CDC42SE2: variants seen among roughly 807,000 people sequenced by gnomAD.
CDC42SE2 encodes the protein CDC42 small effector protein 2.
A neutral mutation model predicts 11.5 loss-of-function variants in CDC42SE2; 3 were observed. That is an observed-to-expected ratio of 0.26 (90% CI 0.12 to 0.67). The LOEUF is 0.67. Ranked by LOEUF, CDC42SE2 falls within the 30% of genes least tolerant of loss-of-function variation. The pLI, the probability that CDC42SE2 is intolerant of heterozygous loss-of-function variation, is 0.80. For missense variants in CDC42SE2, 82 were observed against 106.8 expected (o/e 0.77, Z 1.02); for synonymous variants, 33 against 34.8 (o/e 0.95, Z 0.18).
intron 2 of CDC42SE2, among the ~76,000 whole-genome samples, chr5:131,333,184 A>G (rs1006861729): frequency 6.6e-6 from 1 of 152,182 alleles, no homozygotes; most frequent in African/African-American, 2.4e-5. Flanking sequence ...CTTTCTACGT[A>G]TGGGTAGCCA....
the CDC42SE2 span, among the ~76,000 whole-genome samples, chr5:131,216,417 G>A: frequency 6.7e-6 from 1 of 149,834 alleles, no homozygotes; most frequent in Non-Finnish European, 1.5e-5. Flanking sequence ...TGGAAGGATT[G>A]CCTGAGCCCA....
At chr5:131,351,700 T>G (rs1481440785) in intron 2 of CDC42SE2, among the ~76,000 whole-genome samples, 1 of 152,136 alleles carries the variant, frequency 6.6e-6, no homozygotes, top group Non-Finnish European at 1.5e-5. Context: ...AAAAACAGAT[T>G]ATAGGTATAA....
intron 1 of CDC42SE2, among the ~76,000 whole-genome samples, chr5:131,304,898 A>G (rs1315464921): frequency 6.6e-6 from 1 of 152,214 alleles, no homozygotes; most frequent in Non-Finnish European, 1.5e-5. Flanking sequence ...TTAAATGCAT[A>G]TATTTCAAGT....
chr5:131,347,652 G>A (rs1758882543), intron 2 of CDC42SE2, among the ~76,000 whole-genome samples: 1 of 152,118 alleles, frequency 6.6e-6, no homozygotes, highest in African/African-American at 2.4e-5. Flanking sequence ...CATTTTATGA[G>A]GTCAACATCA....
At chr5:131,258,178 C>A (rs987887680) in intron 2 of CDC42SE2, among the ~76,000 whole-genome samples, 2 of 152,180 alleles carry the variant, frequency 1.3e-5, no homozygotes, top group African/African-American at 4.8e-5. Context: ...CTTTTGCTCA[C>A]TAAGCTTTGT....
intron 1 of CDC42SE2, among the ~76,000 whole-genome samples, chr5:131,275,222 A>G (rs959175508): frequency 2.0e-5 from 3 of 152,046 alleles, no homozygotes; most frequent in Non-Finnish European, 4.4e-5. Context: ...ATTTTTTTTT[A>G]AAGTGATGTT....
chr5:131,372,296 G>A (rs1230140446), intron 3 of CDC42SE2, among the ~76,000 whole-genome samples: 22 of 152,036 alleles, frequency 1.4e-4, no homozygotes, highest in Non-Finnish European at 4.4e-5. Flanking sequence ...AGAAACCTAA[G>A]GCAAATGTGC....
chr5:131,277,265 A>T (rs1464700780), intron 1 of CDC42SE2, among the ~76,000 whole-genome samples: 1 of 152,000 alleles, frequency 6.6e-6, no homozygotes, highest in Admixed American at 6.6e-5. Flanking sequence ...TAGTCCTACC[A>T]CTCAGTTTAT....
At chr5:131,315,604 T>C (rs1214492305) in intron 1 of CDC42SE2, among the ~76,000 whole-genome samples, 1 of 152,176 alleles carries the variant, frequency 6.6e-6, no homozygotes, top group African/African-American at 2.4e-5. Context: ...TTGCCAGATA[T>C]TCTGATTTTT....
chr5:131,259,749 G>A (rs1200381092), upstream of CDC42SE2, among the ~76,000 whole-genome samples: 2 of 152,252 alleles, frequency 1.3e-5, no homozygotes, highest in Non-Finnish European at 2.9e-5. Context: ...GATAAATCAG[G>A]AAATATGGTC....
At chr5:131,346,869 A>T (rs921775605) in intron 2 of CDC42SE2, among the ~76,000 whole-genome samples, 1 of 151,586 alleles carries the variant, frequency 6.6e-6, no homozygotes. Context: ...TCACTCAACT[A>T]CATGGAAACT....
At chr5:131,352,807 C>T (rs1209918749) in intron 2 of CDC42SE2, among the ~76,000 whole-genome samples, 3 of 152,164 alleles carry the variant, frequency 2.0e-5, no homozygotes, top group Non-Finnish European at 4.4e-5. Flanking sequence ...GTTTGCATTT[C>T]TGACAGAAAC....
At chr5:131,295,465 T>G (rs908902200) in intron 1 of CDC42SE2, among the ~76,000 whole-genome samples, 1 of 152,140 alleles carries the variant, frequency 6.6e-6, no homozygotes, top group Middle Eastern at 3.2e-3. Context: ...AAGTTCTACA[T>G]ATACAGAATG....
At chr5:131,347,182 G>C (rs1436801072) in intron 2 of CDC42SE2, among the ~76,000 whole-genome samples, 3 of 151,976 alleles carry the variant, frequency 2.0e-5, no homozygotes, top group African/African-American at 4.8e-5. Context: ...ACACAAAAAA[G>C]CCTTCAAAAA....
chr5:131,376,608 C>T lies in CDC42SE2; in HGVS notation c.55-8935C>T, dbSNP rs537790262. ...ATAATTTCATCACCCAGGTAATAGG[C>T]ATAGTAACCATTAGGTCGTTTTTTG... On this transcript the variant is annotated intron_variant, in intron 3 of 4. Coordinates refer to ENST00000505065, the MANE Select transcript of CDC42SE2 (RefSeq NM_001375635.1). 2.6e-5 allele frequency among the ~76,000 whole-genome samples: 4 copies of T among 152,242 alleles called. No homozygotes were observed. The South Asian group carries it at 8.3e-4, about 32-fold the overall frequency.
At chr5:131,373,314 G>A (rs749196955) in intron 3 of CDC42SE2, among the ~76,000 whole-genome samples, 22 of 152,180 alleles carry the variant, frequency 1.4e-4, no homozygotes, top group Admixed American at 5.2e-4. Context: ...AGATGGGATG[G>A]TAGAGTGGGA....
chr5:131,326,072 T>A (rs1235471126), intron 2 of CDC42SE2, among the ~76,000 whole-genome samples: 1 of 152,200 alleles, frequency 6.6e-6, no homozygotes, highest in African/African-American at 2.4e-5. Context: ...TACGTTTTAA[T>A]CTGAGTTAGT....
chr5:131,336,676 A>T (rs1443341235), intron 2 of CDC42SE2, among the ~76,000 whole-genome samples: 2 of 151,952 alleles, frequency 1.3e-5, no homozygotes, highest in African/African-American at 4.8e-5. Context: ...GTTTCTTTTT[A>T]TTCTTTTTTC....
rs199876717 is a variant in CDC42SE2, at chr5:131,352,975, G to GT, written c.-285-6225dup. Among the ~76,000 whole-genome samples the GT allele has an allele frequency of 7.4e-3, 1,114 of 150,918 alleles. 11 individuals are homozygous for GT. Among genetic ancestry groups the GT allele is most frequent in the African/African-American group, 0.026 (1,062 of 41,164 alleles). On this transcript the variant is annotated intron_variant, in intron 2 of 4. Transcript: ENST00000505065. The stretch of plus-strand genomic sequence containing the variant: ...CATTATTATCAACTGCTCATTGTTA[G>GT]TTTTTTTTTGAGACAGGGTCTCACT...
Sources: gnomAD v4.1 joint callset for allele counts (sites outside exome capture counted in the v4.1 genomes callset) on GRCh38, gnomAD v4.1.1 for gene constraint, MANE v1.5 for transcripts, NCBI Gene and HGNC (gene_info 2026-07-23, HGNC 2026-07-21) for gene names.